BICRAL: variants seen among roughly 807,000 people sequenced by gnomAD.
BICRAL encodes the protein BICRA like chromatin remodeling complex associated protein.
Under a neutral mutation model 91.8 loss-of-function variants are expected in BICRAL, and 8 were observed. That is an observed-to-expected ratio of 0.09 (90% confidence interval 0.05 to 0.16). The LOEUF (loss-of-function observed/expected upper bound fraction) is 0.16, where lower values mean the gene tolerates loss of function less well. Ranked by LOEUF, BICRAL falls within the 10% of genes least tolerant of loss-of-function variation. BICRAL has a pLI of 1.00. For missense variants in BICRAL, 1,038 were observed against 1,310.9 expected (o/e 0.79, Z 3.21); for synonymous variants, 445 against 491.1 (o/e 0.91, Z 1.24).
At position 42,813,252 on chromosome 6, in the gene BICRAL, C is replaced by G. The variant is rs142761557; in HGVS notation, c.-6+2851C>G. On this transcript the variant is annotated intron_variant, in intron 2 of 12. Coordinates refer to ENST00000314073, the MANE Select transcript of BICRAL (RefSeq NM_001393499.1). ...CTAGAAGCTTAGTGAACCCTAACCA[C>G]TGGAAGCATGAAGAGAACTACACCA... Among the ~76,000 whole-genome samples, 615 of 151,962 alleles carry G rather than the reference C, an allele frequency of 4.0e-3. 3 individuals are homozygous for G. The highest frequency in any genetic ancestry group is 0.014 in the African/African-American group (575 of 41,436).
intron 1 of BICRAL, among the ~76,000 whole-genome samples, chr6:42,762,705 AT>A (rs1175854299): frequency 6.6e-6 from 1 of 152,176 alleles, no homozygotes; most frequent in African/African-American, 2.4e-5. Flanking sequence ...CCCAGCACTT[AT>A]TCCTTGAGCC....
intron 8 of BICRAL, 62 bp from the exon 9 acceptor site, chr6:42,855,794 T>C: frequency 7.7e-7 from 1 of 1,293,870 alleles, no homozygotes. Flanking sequence ...TAGTGACCTT[T>C]ATGTATAACT....
chr6:42,828,487 T>G lies in BICRAL; in HGVS notation c.160-6T>G. ...ATGCCATGTAACATACTGTTTATTT[T>G]TTTAGAATGCTGATCCTAAGTCATC... On this transcript the variant is annotated splice_region_variant and splice_polypyrimidine_tract_variant and intron_variant, in intron 5 of 12. Transcript: ENST00000314073. 1 of 1,601,524 alleles carries G rather than the reference T, an allele frequency of 6.2e-7. No homozygotes were observed. The highest frequency in any genetic ancestry group is 8.5e-7 in the Non-Finnish European group (1 of 1,174,880).
chr6:42,782,711 G>T (rs1312316579), intron 1 of BICRAL, among the ~76,000 whole-genome samples: 2 of 151,734 alleles, frequency 1.3e-5, no homozygotes, highest in Non-Finnish European at 2.9e-5. Flanking sequence ...TTAGTTGTGT[G>T]CGCGAGTGTG....
chr6:42,797,677 T>A (rs867648980), intron 1 of BICRAL, among the ~76,000 whole-genome samples: 6 of 152,206 alleles, frequency 3.9e-5, no homozygotes, highest in Non-Finnish European at 7.4e-5. Context: ...TTTTTTAAAT[T>A]ATTAAATTGT....
At position 42,849,760 on chromosome 6, in the gene BICRAL, A is replaced by C. The variant is rs1562493471; in HGVS notation, c.1840-2332A>C. Among the ~76,000 whole-genome samples, 6 of 150,610 alleles carry C rather than the reference A, an allele frequency of 4.0e-5. No homozygotes were observed. In the South Asian group the frequency reaches 1.3e-3, roughly 33 times the overall value. On this transcript the variant is annotated intron_variant, in intron 6 of 12. Transcript: ENST00000314073. ...GGCCTAGAACAGAAATGTTAACATA[A>C]GTTTAGTTTGGTCGGATGCAGTGGC...
chr6:42,758,446 GTGTC>G (rs976789799), intron 1 of BICRAL, among the ~76,000 whole-genome samples: 1 of 152,092 alleles, frequency 6.6e-6, no homozygotes, highest in Non-Finnish European at 1.5e-5. Flanking sequence ...CCAGCACACT[GTGTC>G]TGTTCACTTC....
chr6:42,840,184 A>G (rs531905445), intron 6 of BICRAL, among the ~76,000 whole-genome samples: 18 of 152,272 alleles, frequency 1.2e-4, no homozygotes, highest in African/African-American at 3.9e-4. Flanking sequence ...GGCACTAGCC[A>G]TAACACTCAG....
chr6:42,784,737 A>G (rs553205075), intron 1 of BICRAL, among the ~76,000 whole-genome samples: 1 of 152,386 alleles, frequency 6.6e-6, no homozygotes, highest in East Asian at 1.9e-4. Flanking sequence ...TGTGAGCATC[A>G]GAATTAATTT....
rs1765386859 is a variant in BICRAL, at chr6:42,857,125, A to G, written c.2143A>G (p.Thr715Ala). ...GCAGTTGCAGAGGGACCAAGCCCAC[A>G]CTGTGACACCAGACAAAAGTCACTT... Reference protein sequence around the residue: ...LQQLQRDQAHTVTPDKSHFRS... With the variant: ...LQQLQRDQAHAVTPDKSHFRS... Residue 715 changes from threonine (T) to alanine (A), a missense_variant, in exon 10 of 13, where the codon ACT becomes GCT. Thr to Ala is a moderately conservative substitution (Grantham distance 58). Transcript: ENST00000314073. The G allele has an allele frequency of 1.9e-6, 3 of 1,613,644 alleles. No individual in the cohort carries two copies. Among genetic ancestry groups the G allele is most frequent in the African/African-American group, 2.7e-5 (2 of 74,890 alleles).
intron 1 of BICRAL, among the ~76,000 whole-genome samples, chr6:42,808,665 C>CTGA (rs1487018354): frequency 6.6e-6 from 1 of 152,058 alleles, no homozygotes; most frequent in African/African-American, 2.4e-5. Flanking sequence ...AGCTACTCAG[C>CTGA]TGAAGGGTGT....
rs1200170057 is a variant in BICRAL at position 42,754,728 on chromosome 6, C to CA, written c.-261+7712dup. Among the ~76,000 whole-genome samples the CA allele has an allele frequency of 4.6e-5, 7 of 151,928 alleles. No homozygotes were observed. The East Asian group carries it at 5.8e-4, about 13-fold the overall frequency. On this transcript the variant is annotated intron_variant, in intron 1 of 14. Transcript: ENST00000614467. ...GCAACATAGTGAGACCCTGTCTCTACAAAAAAATGTTTTAAAAAATTGTCT... is the reference window on the plus strand; with the variant it reads ...GCAACATAGTGAGACCCTGTCTCTACAAAAAAAATGTTTTAAAAAATTGTCT...
At position 42,865,485 on chromosome 6, in the gene BICRAL, C is replaced by G; in HGVS notation, c.*39C>G. 8.8e-7 allele frequency: 1 copy of G among 1,142,732 alleles called. No homozygotes were observed. Among genetic ancestry groups the G allele is most frequent in the South Asian group, 1.4e-5 (1 of 72,632 alleles). 70.8% of individuals were successfully genotyped at this position (1,142,732 alleles called of 1,614,324 possible). ...CCCCCTACCCCGCCCCGAGACCCCA[C>G]CCCGAGACCCCACCCCGGACCAGTT... On this transcript the variant is annotated 3_prime_UTR_variant, in exon 13 of 13. Transcript: ENST00000314073.
At chr6:42,778,749 G>C (rs958971578), upstream of BICRAL, among the ~76,000 whole-genome samples, 1 of 152,158 alleles carries the variant, frequency 6.6e-6, no homozygotes, top group South Asian at 2.1e-4. Context: ...GAGAGGCTGA[G>C]GCGGAAGGAT....
At chr6:42,858,690 G>A (rs1332848762) in intron 10 of BICRAL, among the ~76,000 whole-genome samples, 1 of 151,872 alleles carries the variant, frequency 6.6e-6, no homozygotes, top group Non-Finnish European at 1.5e-5. Flanking sequence ...GGTGGCACAT[G>A]CCTGTAATTC....
chr6:42,781,057 C>T (rs996016793), upstream of BICRAL, among the ~76,000 whole-genome samples: 1 of 151,764 alleles, frequency 6.6e-6, no homozygotes, highest in African/African-American at 2.4e-5. Context: ...AATCTAAATA[C>T]TTTGGATACT....
At chr6:42,801,249 TAAAAA>T (rs386406867) in intron 1 of BICRAL, among the ~76,000 whole-genome samples, 5 of 134,486 alleles carry the variant, frequency 3.7e-5, no homozygotes, top group East Asian at 2.2e-4. Flanking sequence ...AGACTCTGTT[TAAAAA>T]AAAAAAAAAA....
chr6:42,793,077 C>T (rs924182080), intron 1 of BICRAL, among the ~76,000 whole-genome samples: 1 of 148,462 alleles, frequency 6.7e-6, no homozygotes, highest in Non-Finnish European at 1.5e-5. Flanking sequence ...GCCTCAGCCT[C>T]CCCAGTAGCT....
chr6:42,822,643 T>TA lies in BICRAL; in HGVS notation c.42-140dup, dbSNP rs751427347. On this transcript the variant is annotated intron_variant, in intron 3 of 12. Transcript: ENST00000314073. ...CACAACATCAAAACAAAAACAAGAT[T>TA]AAAAAAAAAAAAACCTACTAATAGT... Among the ~76,000 whole-genome samples the TA allele has an allele frequency of 5.9e-3, 825 of 140,080 alleles. 3 individuals carry two copies. Among genetic ancestry groups the TA allele is most frequent in the African/African-American group, 0.016 (613 of 38,528 alleles). 91.9% of individuals were successfully genotyped at this position (140,080 alleles called of 152,430 possible).
Sources: gnomAD v4.1 joint callset for allele counts (sites outside exome capture counted in the v4.1 genomes callset) on GRCh38, gnomAD v4.1.1 for gene constraint, MANE v1.5 for transcripts, NCBI Gene and HGNC (gene_info 2026-07-23, HGNC 2026-07-21) for gene names.